The following PTPRT variants were observed in gnomAD, a reference collection of about 807,000 sequenced individuals.
The protein encoded by PTPRT is receptor-type tyrosine-protein phosphatase T.
PTPRT carries 56 observed loss-of-function variants against 176.8 expected under a neutral mutation model. The observed-to-expected ratio is 0.32, with a 90% CI of 0.26 to 0.40. PTPRT has a LOEUF of 0.40. Among genes scored for constraint, PTPRT ranks in the 10% least tolerant of loss-of-function variants. The pLI, the probability that PTPRT is intolerant of heterozygous loss-of-function variation, is 1.00. For missense variants in PTPRT, 1,540 were observed against 1,908.2 expected (o/e 0.81, Z 3.60); for synonymous variants, 783 against 739.0 (o/e 1.06, Z -0.96).
intron 7 of PTPRT, among the ~76,000 whole-genome samples, chr20:42,529,129 A>G (rs2072331323): frequency 6.6e-6 from 1 of 152,244 alleles, no homozygotes. Context: ...GTTTCACTAC[A>G]TAACCCTGAT....
chr20:42,382,870 G>A (rs1363707529), intron 9 of PTPRT, among the ~76,000 whole-genome samples: 1 of 152,134 alleles, frequency 6.6e-6, no homozygotes, highest in Non-Finnish European at 1.5e-5. Context: ...TTGGCTTCCA[G>A]CTGCCTACTA....
chr20:42,132,528 T>C (rs1387283224), intron 18 of PTPRT, among the ~76,000 whole-genome samples: 1 of 152,190 alleles, frequency 6.6e-6, no homozygotes, highest in Non-Finnish European at 1.5e-5. Context: ...AACAGACACC[T>C]AATCAAGGAA....
chr20:43,019,803 G>A (rs1303466876), intron 1 of PTPRT, among the ~76,000 whole-genome samples: 1 of 151,604 alleles, frequency 6.6e-6, no homozygotes, highest in African/African-American at 2.4e-5. Context: ...GACGTCTCTG[G>A]GTCTCCCAGA....
At chr20:42,832,588 T>A (rs916957681) in intron 2 of PTPRT, among the ~76,000 whole-genome samples, 1 of 151,082 alleles carries the variant, frequency 6.6e-6, no homozygotes, top group Non-Finnish European at 1.5e-5. Context: ...TAAAAAAGGA[T>A]CATTCCAAGA....
At chr20:42,666,099 A>T (rs1032768825) in intron 7 of PTPRT, among the ~76,000 whole-genome samples, 2 of 152,214 alleles carry the variant, frequency 1.3e-5, no homozygotes, top group Non-Finnish European at 2.9e-5. Flanking sequence ...TAATAAAAAA[A>T]TAAAAATAAA....
intron 2 of PTPRT, among the ~76,000 whole-genome samples, chr20:42,810,335 G>A (rs208215): frequency 0.027 from 4,106 of 152,138 alleles, 201 homozygotes; most frequent in African/African-American, 0.094. Flanking sequence ...AAGAGAGTGC[G>A]AGGAGAAGAT....
Position 42,089,747 on chromosome 20 carries a change from G to A in PTPRT, c.3847-3894C>T, listed in dbSNP as rs1043465247. The stretch of plus-strand genomic sequence containing the variant: ...TGATGTGCTGGCAAATGTGGTGTTT[G>A]AGCTGCCAGGGATCATCAGGGTCTC... On this transcript the variant is annotated intron_variant, in intron 27 of 30. Coordinates refer to ENST00000373187, the MANE Select transcript of PTPRT (RefSeq NM_007050.6). 5.9e-5 allele frequency among the ~76,000 whole-genome samples: 9 copies of A among 152,158 alleles called. 1 individual carries two copies. The South Asian group carries it at 1.9e-3, about 32-fold the overall frequency.
intron 2 of PTPRT, among the ~76,000 whole-genome samples, chr20:42,871,253 T>A (rs2078841195): frequency 6.6e-6 from 1 of 151,812 alleles, no homozygotes; most frequent in Non-Finnish European, 1.5e-5. Flanking sequence ...TGCCTGGCCG[T>A]ATTTTCATGT....
intron 7 of PTPRT, among the ~76,000 whole-genome samples, chr20:42,501,046 C>G (rs548331050): frequency 6.6e-6 from 1 of 152,240 alleles, no homozygotes; most frequent in Non-Finnish European, 1.5e-5. Context: ...CTGACATCTC[C>G]TATGTAACAG....
At chr20:42,786,063 T>A (rs954206120) in intron 3 of PTPRT, among the ~76,000 whole-genome samples, 2 of 152,160 alleles carry the variant, frequency 1.3e-5, no homozygotes, top group Non-Finnish European at 2.9e-5. Flanking sequence ...TTTATAAGTG[T>A]TTGACAGTTC....
intron 8 of PTPRT, among the ~76,000 whole-genome samples, chr20:42,453,466 A>C (rs888378445): frequency 6.6e-6 from 1 of 152,068 alleles, no homozygotes; most frequent in South Asian, 2.1e-4. Context: ...AAGTATACAT[A>C]ATAATGTATG....
chr20:42,050,498 T>C, the PTPRT span, among the ~76,000 whole-genome samples: 2 of 152,030 alleles, frequency 1.3e-5, no homozygotes, highest in African/African-American at 4.8e-5. Context: ...TTCCAGTGAG[T>C]ACTGAGCCCC....
At chr20:43,180,607 G>C (rs1389808388) in intron 1 of PTPRT, among the ~76,000 whole-genome samples, 3 of 151,892 alleles carry the variant, frequency 2.0e-5, no homozygotes, top group African/African-American at 7.3e-5. Context: ...GGGACTACAG[G>C]CACACACCAT....
chr20:43,145,670 T>C (rs2014147994), intron 1 of PTPRT, among the ~76,000 whole-genome samples: 1 of 152,218 alleles, frequency 6.6e-6, no homozygotes, highest in Non-Finnish European at 1.5e-5. Context: ...GGCTCACAGA[T>C]TAATTTCTGG....
intron 7 of PTPRT, among the ~76,000 whole-genome samples, chr20:42,513,935 T>C (rs1366638919): frequency 6.6e-6 from 1 of 152,180 alleles, no homozygotes; most frequent in Non-Finnish European, 1.5e-5. Flanking sequence ...ATGTGTGGAA[T>C]TCATCCATTT....
intron 7 of PTPRT, among the ~76,000 whole-genome samples, chr20:42,621,612 C>T (rs552728997): frequency 2.3e-4 from 35 of 152,318 alleles, no homozygotes; most frequent in Middle Eastern, 6.8e-3. Flanking sequence ...GATCCTATAG[C>T]CTCTCAGTTT....
At chr20:42,537,322 T>C (rs972307693) in intron 7 of PTPRT, among the ~76,000 whole-genome samples, 1 of 152,194 alleles carries the variant, frequency 6.6e-6, no homozygotes, top group African/African-American at 2.4e-5. Context: ...AGTGAATATA[T>C]TCATATATGA....
chr20:42,363,105 GAAAAAAAAAA>G (rs71193658), intron 9 of PTPRT, among the ~76,000 whole-genome samples: 1 of 47,210 alleles, frequency 2.1e-5, no homozygotes, highest in Non-Finnish European at 3.5e-5. Context: ...CTCCATTTCA[GAAAAAAAAAA>G]AAAAAAAAAA....
chr20:42,296,254 C>T (rs149390536), intron 12 of PTPRT, among the ~76,000 whole-genome samples: 2,179 of 152,052 alleles, frequency 0.014, 57 homozygotes, highest in African/African-American at 0.05. Flanking sequence ...GAGACCAGCC[C>T]GACCAACACA....
Sources: gnomAD v4.1 joint callset for allele counts (sites outside exome capture counted in the v4.1 genomes callset) on GRCh38, gnomAD v4.1.1 for gene constraint, MANE v1.5 for transcripts, NCBI Gene and HGNC (gene_info 2026-07-23, HGNC 2026-07-21) for gene names.